The following CD99 variants were observed in gnomAD, a reference collection of about 807,000 sequenced individuals.
The protein encoded by CD99 is CD99 molecule (Xg blood group), also known as CD99 antigen.
In CD99, 19 loss-of-function variants were observed where a neutral mutation model predicts 28.4. That is an observed-to-expected ratio of 0.67 (90% CI 0.47 to 0.98). The LOEUF is 0.98. Among genes scored for constraint, CD99 ranks in the 50% least tolerant of loss-of-function variants. The pLI is 0.00. For synonymous variants in CD99, 103 were observed against 92.1 expected, an observed-to-expected ratio of 1.12 and a Z score of -0.67; for missense variants, 283 against 248.8, an observed-to-expected ratio of 1.14 and a Z score of -0.92.
At chrX:2,732,805 T>C (rs1205795687) in intron 8 of CD99, among the ~76,000 whole-genome samples, 1 of 147,912 alleles carries the variant, frequency 6.8e-6, no homozygotes, top group Admixed American at 6.8e-5. Flanking sequence ...TTCCTTCCTT[T>C]CTTTTTTTCC....
chrX:2,698,233 G>A (rs1326232393), intron 1 of CD99, among the ~76,000 whole-genome samples: 4 of 147,758 alleles, frequency 2.7e-5, no homozygotes, highest in Admixed American at 6.8e-5. Flanking sequence ...GCAGTGGCAC[G>A]ATTGTAGCTC....
chrX:2,738,289 G>A (rs750582631), intron 9 of CD99, 33 bp downstream of exon 9: 12 of 1,604,110 alleles, frequency 7.5e-6, no homozygotes, highest in African/African-American at 2.7e-5. Flanking sequence ...GCTTGCACAC[G>A]TGGCCAGTGT....
At chrX:2,739,988 AGGC>A (rs1171610281) in intron 9 of CD99, among the ~76,000 whole-genome samples, 1 of 151,500 alleles carries the variant, frequency 6.6e-6, no homozygotes, top group African/African-American at 2.4e-5. Context: ...GCTACTCAGA[AGGC>A]TGAGGCAGGA....
chrX:2,723,411 G>C, intron 7 of CD99, 47 bp downstream of exon 7: 7 of 1,602,712 alleles, frequency 4.4e-6, no homozygotes, highest in Non-Finnish European at 6.0e-6. Flanking sequence ...ACGTGGTGTT[G>C]AGAAGGGGAA....
intron 1 of CD99, among the ~76,000 whole-genome samples, chrX:2,703,605 AGTGTGTGTGTGTGTGTGTGTGTGTGTGT>A (rs556444956): frequency 2.9e-5 from 4 of 138,404 alleles, no homozygotes; most frequent in South Asian, 2.5e-4. Context: ...CGAGCTGTTA[AGTGTGTGTGTGTGTGTGTGTGTGTGTGT>A]GTGTGTGTGT....
chrX:2,727,368 C>T (rs1332607228), intron 8 of CD99: 1 of 777,548 alleles, frequency 1.3e-6, no homozygotes, highest in African/African-American at 1.7e-5. Flanking sequence ...CTATTTGGAA[C>T]ACAGCTAACG....
intron 1 of CD99, chrX:2,691,972 T>C (rs2047327668): frequency 2.6e-6 from 2 of 766,642 alleles, no homozygotes; most frequent in Admixed American, 3.5e-5. Context: ...AAATACTCTG[T>C]GGATGCGGGC....
intron 1 of CD99, among the ~76,000 whole-genome samples, chrX:2,703,721 G>T (rs1009802120): frequency 4.0e-5 from 6 of 151,878 alleles, no homozygotes; most frequent in African/African-American, 1.4e-4. Flanking sequence ...CGGCGGAGGG[G>T]TTATTTCAAG....
chrX:2,719,818 G>A, intron 4 of CD99, 113 bp downstream of exon 4: 3 of 1,150,138 alleles, frequency 2.6e-6, no homozygotes, highest in Non-Finnish European at 3.9e-6. Flanking sequence ...AGTTTTCACA[G>A]TGGAAACCTA....
intron 1 of CD99, among the ~76,000 whole-genome samples, chrX:2,699,093 A>ATCTTTTCTTTCTTTTTGTTTTTT (rs1270302324): frequency 1.8e-4 from 27 of 150,536 alleles, no homozygotes; most frequent in Middle Eastern, 6.8e-3. Context: ...TACCCAGCTA[A>ATCTTTTCTTTCTTTTTGTTTTTT]TCTTTTCTTT....
rs191085968 is a variant in CD99 at position 2,705,606 on chromosome X, C to G, written c.68-8816C>G. ...CACTTTTTTGTGTGTGGTGAGAACACTTATTCAGAATGGGCTCCTTTAGTC... is the reference window on the plus strand; with the variant it reads ...CACTTTTTTGTGTGTGGTGAGAACAGTTATTCAGAATGGGCTCCTTTAGTC... On this transcript the variant is annotated intron_variant, in intron 1 of 9. Coordinates refer to ENST00000381192, the MANE Select transcript of CD99 (RefSeq NM_002414.5). Among the ~76,000 whole-genome samples the G allele has an allele frequency of 1.2e-4, 19 of 152,242 alleles. 1 individual carries two copies. The East Asian group carries it at 3.5e-3, about 28-fold the overall frequency.
intron 1 of CD99, among the ~76,000 whole-genome samples, chrX:2,709,605 C>T (rs2048293981): frequency 6.6e-6 from 1 of 152,264 alleles, no homozygotes; most frequent in South Asian, 2.1e-4. Context: ...CAGGAGCACA[C>T]ACGTGCACAC....
chrX:2,737,760 T>G (rs1363750715), intron 8 of CD99: 3 of 327,188 alleles, frequency 9.2e-6, no homozygotes, highest in Non-Finnish European at 1.8e-5. Flanking sequence ...CCTCCCAAAG[T>G]GCTGGGATTA....
intron 1 of CD99, among the ~76,000 whole-genome samples, chrX:2,706,026 T>C (rs1456265211): frequency 6.7e-6 from 1 of 149,284 alleles, no homozygotes; most frequent in Non-Finnish European, 1.5e-5. Flanking sequence ...GGTCAGACCA[T>C]GTGACTGGTT....
chrX:2,704,740 G>T (rs1481999040), intron 1 of CD99, among the ~76,000 whole-genome samples: 1 of 151,830 alleles, frequency 6.6e-6, no homozygotes, highest in African/African-American at 2.4e-5. Context: ...TGGAGGCAGG[G>T]TCTCTCTCTG....
intron 8 of CD99, among the ~76,000 whole-genome samples, chrX:2,726,899 C>T: frequency 6.6e-6 from 1 of 152,154 alleles, no homozygotes; most frequent in East Asian, 1.9e-4. Flanking sequence ...CTTTGGGAGG[C>T]CGAGACGGGC....
intron 9 of CD99, 107 bp downstream of exon 9, chrX:2,738,363 G>A (rs2050049557): frequency 1.9e-6 from 2 of 1,076,342 alleles, no homozygotes; most frequent in Non-Finnish European, 2.9e-6. Context: ...AAATTTGGTT[G>A]CATGGCTTTG....
chrX:2,731,292 C>A (rs934472443), intron 8 of CD99, among the ~76,000 whole-genome samples: 2 of 152,098 alleles, frequency 1.3e-5, no homozygotes, highest in African/African-American at 4.8e-5. Context: ...ATGCCCTGGT[C>A]CTTCAAGAAA....
At chrX:2,691,663 C>A (rs969675465) in intron 1 of CD99, 4 of 704,714 alleles carry the variant, frequency 5.7e-6, no homozygotes, top group Non-Finnish European at 7.8e-6. Context: ...GTCGGAGTTG[C>A]AAACTCTTAC....
Sources: gnomAD v4.1 joint callset for allele counts (sites outside exome capture counted in the v4.1 genomes callset) on GRCh38, gnomAD v4.1.1 for gene constraint, MANE v1.5 for transcripts, NCBI Gene and HGNC (gene_info 2026-07-23, HGNC 2026-07-21) for gene names.